The following NXPH2 variants were observed in gnomAD, a reference collection of about 807,000 sequenced individuals.
NXPH2 encodes the protein neurexophilin-2.
In NXPH2, 5 loss-of-function variants were observed where a neutral mutation model predicts 19.8. The ratio of observed to expected loss-of-function variants is 0.25; its 90% CI spans 0.13 to 0.53. The LOEUF (loss-of-function observed/expected upper bound fraction) is 0.53. Among genes scored for constraint, NXPH2 ranks in the 20% least tolerant of loss-of-function variants. NXPH2 has a pLI of 0.96. For missense variants in NXPH2, 289 were observed against 322.8 expected (o/e 0.90, Z 0.80); for synonymous variants, 154 against 127.4 (o/e 1.21, Z -1.41).
intron 1 of NXPH2, among the ~76,000 whole-genome samples, chr2:138,761,283 G>A (rs1223805788): frequency 6.6e-6 from 1 of 152,072 alleles, no homozygotes; most frequent in Non-Finnish European, 1.5e-5. Context: ...TACATCAAAT[G>A]TTTCGTCTGA....
chr2:138,676,880 G>A (rs966376971), intron 1 of NXPH2, among the ~76,000 whole-genome samples: 1 of 152,182 alleles, frequency 6.6e-6, no homozygotes, highest in Non-Finnish European at 1.5e-5. Context: ...TCAATCAAAT[G>A]TTTCCCTATG....
At chr2:138,706,522 T>C (rs1169289185) in intron 1 of NXPH2, among the ~76,000 whole-genome samples, 2 of 152,216 alleles carry the variant, frequency 1.3e-5, no homozygotes, top group African/African-American at 2.4e-5. Flanking sequence ...CCCCATCCTG[T>C]TTATGCCAGT....
rs1222347380 is a variant in NXPH2, at chr2:138,672,165, G to C, written c.52-500C>G. 2.6e-5 allele frequency among the ~76,000 whole-genome samples: 4 copies of C among 152,248 alleles called. No individual in the cohort carries two copies. The South Asian group carries it at 6.2e-4, about 24-fold the overall frequency. On this transcript the variant is annotated intron_variant, in intron 1 of 1. Transcript: ENST00000272641. ...AAGGCTTATAACATGTAATTTCATA[G>C]CTCTTTATATAATTCCATCTCAAAC...
intron 1 of NXPH2, among the ~76,000 whole-genome samples, chr2:138,736,605 G>A (rs1211551288): frequency 1.3e-5 from 2 of 152,124 alleles, no homozygotes; most frequent in East Asian, 3.9e-4. Context: ...GACATTCCCT[G>A]GAGACATTTT....
At chr2:138,749,775 C>T (rs1043865148) in intron 1 of NXPH2, among the ~76,000 whole-genome samples, 7 of 152,060 alleles carry the variant, frequency 4.6e-5, no homozygotes, top group Non-Finnish European at 7.4e-5. Context: ...TATAAAAACA[C>T]CACAACCTAG....
chr2:138,686,120 A>G (rs1680646812), intron 1 of NXPH2, among the ~76,000 whole-genome samples: 1 of 152,232 alleles, frequency 6.6e-6, no homozygotes, highest in Admixed American at 6.5e-5. Context: ...AATCCTAATT[A>G]AAACTTAATC....
At chr2:138,777,503 C>A (rs1414681819) in intron 1 of NXPH2, among the ~76,000 whole-genome samples, 1 of 151,902 alleles carries the variant, frequency 6.6e-6, no homozygotes, top group East Asian at 1.9e-4. Context: ...ATCAATTCCG[C>A]TTACTGTTTT....
Position 138,670,921 on chromosome 2 carries a change from A to C in NXPH2, c.*1T>G, listed in dbSNP as rs1680403641. ...CCCTCATTTCCACCACAGCAGGAAG[A>C]TCAGCCAGAAGATAAGTATGGGGTC... On this transcript the variant is annotated 3_prime_UTR_variant, in exon 2 of 2. Coordinates refer to ENST00000272641, the MANE Select transcript of NXPH2 (RefSeq NM_007226.3). 1 of 1,609,382 alleles carries C rather than the reference A, an allele frequency of 6.2e-7. No individual in the cohort carries two copies. The highest frequency in any genetic ancestry group is 1.7e-5 in the Admixed American group (1 of 59,838).
At chr2:138,698,776 C>G (rs1197175572) in intron 1 of NXPH2, among the ~76,000 whole-genome samples, 2 of 152,178 alleles carry the variant, frequency 1.3e-5, no homozygotes, top group East Asian at 3.9e-4. Flanking sequence ...ATTGCCTGAG[C>G]CCAGGAATTA....
At chr2:138,701,857 TA>T (rs958714724) in intron 1 of NXPH2, among the ~76,000 whole-genome samples, 12 of 152,244 alleles carry the variant, frequency 7.9e-5, no homozygotes, top group African/African-American at 2.9e-4. Context: ...TCCGCTTTGG[TA>T]GGTGGGAAGA....
chr2:138,743,336 C>T (rs11894962), intron 1 of NXPH2, among the ~76,000 whole-genome samples: 4,792 of 152,212 alleles, frequency 0.031, 247 homozygotes, highest in African/African-American at 0.11. Context: ...CAATGAAATG[C>T]TATTCAGTTA....
chr2:138,746,144 T>C (rs1408048767), intron 1 of NXPH2, among the ~76,000 whole-genome samples: 1 of 152,226 alleles, frequency 6.6e-6, no homozygotes, highest in Non-Finnish European at 1.5e-5. Context: ...TAGAGGATGC[T>C]GCACATTGAG....
In NXPH2 at chr2:138,669,626, A is replaced by G. The variant is rs904990429; in HGVS notation, c.*1296T>C. On this transcript the variant is annotated 3_prime_UTR_variant, in exon 2 of 2. Transcript: ENST00000272641. ...AGAAGGGAGAAAGAAGTTAACATCT[A>G]TTGTAAAAGGAGTGACCATTCCATG... Among the ~76,000 whole-genome samples the G allele has an allele frequency of 2.0e-5, 3 of 152,178 alleles. No individual in the cohort carries two copies. The highest frequency in any genetic ancestry group is 6.5e-5 in the Admixed American group (1 of 15,276).
At chr2:138,725,409 T>C (rs1345455395) in intron 1 of NXPH2, among the ~76,000 whole-genome samples, 2 of 152,222 alleles carry the variant, frequency 1.3e-5, no homozygotes, top group East Asian at 3.9e-4. Flanking sequence ...CTGTAATAGA[T>C]GTGAGCTTCT....
At position 138,729,986 on chromosome 2, in the gene NXPH2, C is replaced by T. The variant is rs560926937; in HGVS notation, c.51+50205G>A. Among the ~76,000 whole-genome samples the T allele has an allele frequency of 1.4e-4, 21 of 152,164 alleles. No homozygotes were observed. The South Asian group carries it at 4.4e-3, about 32-fold the overall frequency. On this transcript the variant is annotated intron_variant, in intron 1 of 1. Transcript: ENST00000272641. ...GTCCTGGAGGTTAAAAGTCCAAGAT[C>T]AACGTGTCAGTAAGTTTGGTTTCTT...
At chr2:138,743,864 A>G (rs1006059636) in intron 1 of NXPH2, among the ~76,000 whole-genome samples, 3 of 152,136 alleles carry the variant, frequency 2.0e-5, no homozygotes, top group Non-Finnish European at 2.9e-5. Context: ...TTAGTCAGGC[A>G]TGGTGGCATG....
rs534143522 is a variant in NXPH2, at chr2:138,703,182, C to T, written c.52-31517G>A. 1.5e-4 allele frequency among the ~76,000 whole-genome samples: 23 copies of T among 152,176 alleles called. No individual in the cohort carries two copies. The South Asian group carries it at 4.2e-3, about 28-fold the overall frequency. On this transcript the variant is annotated intron_variant, in intron 1 of 1. Transcript: ENST00000272641. ...GCTAATTGAGTAAAACCTAATGCTT[C>T]GAGTGTTGATGCAGGGAAATAAAAA...
chr2:138,695,933 G>T (rs1448294897), intron 1 of NXPH2, among the ~76,000 whole-genome samples: 1 of 152,096 alleles, frequency 6.6e-6, no homozygotes, highest in Non-Finnish European at 1.5e-5. Context: ...AGGATCCCTT[G>T]AGGACTGGAG....
intron 1 of NXPH2, among the ~76,000 whole-genome samples, chr2:138,681,375 G>C (rs952872117): frequency 2.0e-5 from 3 of 152,042 alleles, no homozygotes; most frequent in African/African-American, 7.2e-5. Context: ...AATTGAAGAG[G>C]CATCTATACT....
Sources: gnomAD v4.1 joint callset for allele counts (sites outside exome capture counted in the v4.1 genomes callset) on GRCh38, gnomAD v4.1.1 for gene constraint, MANE v1.5 for transcripts, NCBI Gene and HGNC (gene_info 2026-07-23, HGNC 2026-07-21) for gene names.